CERS4: variants seen among roughly 807,000 people sequenced by gnomAD.
CERS4 encodes the protein LAG1 homolog, ceramide synthase 4.
Under a neutral mutation model 51.8 loss-of-function variants are expected in CERS4, and 65 were observed. The observed-to-expected ratio is 1.26, with a 90% confidence interval of 1.03 to 1.54. The LOEUF is 1.54. CERS4 is among the 40% of genes most tolerant of loss of function. The pLI is 0.00. For missense variants in CERS4, 563 were observed against 500.4 expected, an observed-to-expected ratio of 1.13 and a Z score of -1.19; for synonymous variants, 228 against 208.4, an observed-to-expected ratio of 1.09 and a Z score of -0.81.
Position 8,254,615 on chromosome 19 carries a change from A to T in CERS4, c.290A>T (p.Glu97Val), listed in dbSNP as rs756507302. ...HFLTEGHRPK[E>V]PQLSLLAAQC... ...CTCACGGAAGGGCACAGGCCCAAGGAGGTGAGAGCCCCCCATGCCCTCCGA... is the reference window on the plus strand; with the variant it reads ...CTCACGGAAGGGCACAGGCCCAAGGTGGTGAGAGCCCCCCATGCCCTCCGA... Residue 97 changes from glutamate to valine, a missense_variant and splice_region_variant, in exon 4 of 12, where the codon GAG becomes GTG. Coordinates refer to ENST00000251363, the MANE Select transcript of CERS4 (RefSeq NM_024552.3). 39 of 1,605,154 alleles carry T rather than the reference A, an allele frequency of 2.4e-5. No individual in the cohort carries two copies. Among genetic ancestry groups the T allele is most frequent in the Non-Finnish European group, 3.3e-5 (39 of 1,176,832 alleles).
chr19:8,245,902 C>A lies in CERS4; in HGVS notation c.-1-5174C>A, dbSNP rs1385951401. On this transcript the variant is annotated intron_variant, in intron 2 of 11. Coordinates refer to ENST00000251363, the MANE Select transcript of CERS4 (RefSeq NM_024552.3). ...AACTGACAAAACTAAGCTTTGATGA[C>A]AAAAAAAAAAAAAAAAAAAAAAAAA... Among the ~76,000 whole-genome samples the A allele has an allele frequency of 5.0e-3, 388 of 76,902 alleles. 3 individuals are homozygous for A. The highest frequency in any genetic ancestry group is 5.9e-3 in the Non-Finnish European group (261 of 44,122). 50.5% of individuals were successfully genotyped at this position (76,902 alleles called of 152,430 possible).
chr19:8,225,302 T>C (rs192982093), intron 2 of CERS4, among the ~76,000 whole-genome samples: 1 of 151,130 alleles, frequency 6.6e-6, no homozygotes, highest in East Asian at 2.0e-4. Context: ...GGATTGGCCA[T>C]GGGAGGCTGC....
chr19:8,224,267 T>G (rs1176246962), intron 2 of CERS4, among the ~76,000 whole-genome samples: 4 of 150,188 alleles, frequency 2.7e-5, no homozygotes, highest in Non-Finnish European at 1.5e-5. Flanking sequence ...ATTAGCCGGG[T>G]GTGGTGGCAC....
chr19:8,260,970 AAAAAAAACAAG>A (rs1389017794), intron 10 of CERS4: 199 of 150,252 alleles, frequency 1.3e-3, no homozygotes, highest in African/African-American at 4.9e-3. Flanking sequence ...AAAAAAAAAA[AAAAAAAACAAG>A]AACCACAGCT....
chr19:8,262,171 A>C lies in CERS4; in HGVS notation c.*62A>C. 7.2e-7 allele frequency: 1 copy of C among 1,388,942 alleles called. No individual in the cohort carries two copies. The highest frequency in any genetic ancestry group is 1.7e-5 in the South Asian group (1 of 57,244). The allele number at this position is 1,388,942 out of a possible 1,614,324, so 86.0% of individuals were successfully genotyped here. On this transcript the variant is annotated 3_prime_UTR_variant, in exon 12 of 12. Coordinates refer to ENST00000251363, the MANE Select transcript of CERS4 (RefSeq NM_024552.3). ...CAGTGCCTTGGATATTTCTGGGGTG[A>C]CTGGACTGGCGCCCCTGGGCCACCT...
intron 10 of CERS4, among the ~76,000 whole-genome samples, chr19:8,259,575 G>A (rs1969571286): frequency 6.6e-6 from 1 of 152,130 alleles, no homozygotes; most frequent in African/African-American, 2.4e-5. Context: ...GTGGGCAGGA[G>A]TGAGGGGACC....
chr19:8,256,433 G>C (rs1969385927), intron 7 of CERS4, 147 bp downstream of exon 7: 1 of 985,844 alleles, frequency 1.0e-6, no homozygotes, highest in Non-Finnish European at 1.4e-6. Context: ...GGAATAGAGA[G>C]GGGCCAGAAA....
At chr19:8,253,077 C>T (rs383273) in intron 3 of CERS4, among the ~76,000 whole-genome samples, 6,611 of 152,314 alleles carry the variant, frequency 0.043, 321 homozygotes, top group East Asian at 0.21. Context: ...CAATGAGTTC[C>T]TTGCTAGGCT....
At chr19:8,257,602 G>C (rs183875081) in intron 9 of CERS4, among the ~76,000 whole-genome samples, 1 of 152,152 alleles carries the variant, frequency 6.6e-6, no homozygotes, top group East Asian at 1.9e-4. Flanking sequence ...GCTAACTTTT[G>C]TATTTGTAGT....
intron 2 of CERS4, among the ~76,000 whole-genome samples, chr19:8,238,833 TTG>T: frequency 6.6e-6 from 1 of 152,202 alleles, no homozygotes; most frequent in South Asian, 2.1e-4. Context: ...GTGTGGTGGC[TTG>T]TGTCGGTAAT....
intron 3 of CERS4, among the ~76,000 whole-genome samples, chr19:8,251,955 G>A (rs1425553812): frequency 6.6e-6 from 1 of 151,650 alleles, no homozygotes; most frequent in African/African-American, 2.4e-5. Flanking sequence ...GGCCAGACGT[G>A]GTAGCTGATT....
At chr19:8,233,765 C>A (rs1968118703) in intron 2 of CERS4, among the ~76,000 whole-genome samples, 1 of 152,066 alleles carries the variant, frequency 6.6e-6, no homozygotes, top group East Asian at 1.9e-4. Flanking sequence ...GTAATCCCAG[C>A]ACTTTGGGAG....
At chr19:8,218,477 C>T (rs180779922) in intron 2 of CERS4, among the ~76,000 whole-genome samples, 7 of 152,302 alleles carry the variant, frequency 4.6e-5, no homozygotes, top group Admixed American at 2.6e-4. Flanking sequence ...GGAATCCACC[C>T]GTGGAGACCC....
intron 4 of CERS4, among the ~76,000 whole-genome samples, chr19:8,255,101 G>C (rs1365463602): frequency 6.6e-6 from 1 of 152,156 alleles, no homozygotes; most frequent in Admixed American, 6.5e-5. Flanking sequence ...CTGCCCGCTG[G>C]ACAGGGTCTG....
At chr19:8,243,560 C>T (rs76253110) in intron 2 of CERS4, among the ~76,000 whole-genome samples, 4,077 of 152,196 alleles carry the variant, frequency 0.027, 197 homozygotes, top group African/African-American at 0.094. Context: ...CCAATGCTAG[C>T]AACAGCTTCT....
intron 2 of CERS4, among the ~76,000 whole-genome samples, chr19:8,211,241 T>C (rs1967073624): frequency 6.6e-6 from 1 of 152,022 alleles, no homozygotes; most frequent in Admixed American, 6.6e-5. Context: ...ATGCCTGTAG[T>C]TGGCAGCAGA....
chr19:8,234,323 AGTCTCCCTCT>A (rs915207194), intron 2 of CERS4, among the ~76,000 whole-genome samples: 2 of 151,940 alleles, frequency 1.3e-5, no homozygotes, highest in African/African-American at 4.8e-5. Flanking sequence ...TAAATAAGAC[AGTCTCCCTCT>A]GTCTCCAAGG....
At chr19:8,243,189 GTC>G (rs1346991177) in intron 2 of CERS4, among the ~76,000 whole-genome samples, 2 of 70,962 alleles carry the variant, frequency 2.8e-5, no homozygotes, top group Non-Finnish European at 2.4e-5. Flanking sequence ...GTGAGACCCT[GTC>G]TCTAAAAAAA....
rs371347083 is a variant in CERS4 at position 8,235,156 on chromosome 19, A to G, written c.-1-15920A>G. On this transcript the variant is annotated intron_variant, in intron 2 of 11. Transcript: ENST00000251363. ...CCCGAGTAGCTGGGATTACAGGCAC[A>G]CACCACCATGCCTGGCTAATTTTTG... is the stretch of plus-strand genomic sequence containing the variant. 9.6e-4 allele frequency among the ~76,000 whole-genome samples: 142 copies of G among 148,440 alleles called. 2 individuals carry two copies. The South Asian group carries it at 0.029, about 30-fold the overall frequency.
Sources: gnomAD v4.1 joint callset for allele counts (sites outside exome capture counted in the v4.1 genomes callset) on GRCh38, gnomAD v4.1.1 for gene constraint, MANE v1.5 for transcripts, NCBI Gene and HGNC (gene_info 2026-07-23, HGNC 2026-07-21) for gene names.